Variants in NEBL observed in about 807,000 individuals in gnomAD.
NEBL encodes LIM and SH3 protein 2.
NEBL carries 122 observed loss-of-function variants against 140.2 expected under a neutral mutation model. The ratio of observed to expected loss-of-function variants is 0.87; its 90% CI spans 0.75 to 1.01. The LOEUF (loss-of-function observed/expected upper bound fraction) is 1.01. Among genes scored for constraint, NEBL ranks in the 50% least tolerant of loss-of-function variants. The pLI is 0.00. For missense variants in NEBL, 1,365 were observed against 1,231.3 expected, an observed-to-expected ratio of 1.11 and a Z score of -1.62; for synonymous variants, 436 against 398.9, an observed-to-expected ratio of 1.09 and a Z score of -1.11.
chr10:21,253,386 A>G (rs1253505426), intron 1 of NEBL, among the ~76,000 whole-genome samples: 1 of 152,196 alleles, frequency 6.6e-6, no homozygotes. Flanking sequence ...CACAAGAGAA[A>G]AAGATAATCT....
chr10:20,852,496 T>A, intron 10 of NEBL, 49 bp downstream of exon 10: 2 of 1,321,102 alleles, frequency 1.5e-6, no homozygotes, highest in Non-Finnish European at 2.2e-6. Flanking sequence ...CTCAGGATGG[T>A]TACGGGTTGC....
chr10:20,983,309 C>A (rs187879491), intron 3 of NEBL, among the ~76,000 whole-genome samples: 1 of 152,144 alleles, frequency 6.6e-6, no homozygotes, highest in East Asian at 1.9e-4. Context: ...TAATAATCAC[C>A]AAATACACAT....
At chr10:21,287,302 G>A (rs960468207) in intron 1 of NEBL, among the ~76,000 whole-genome samples, 5 of 152,104 alleles carry the variant, frequency 3.3e-5, no homozygotes, top group African/African-American at 9.7e-5. Flanking sequence ...TTGGGAGGCC[G>A]AGGCAGGTGG....
At chr10:20,916,843 T>C (rs938117175) in intron 4 of NEBL, among the ~76,000 whole-genome samples, 1 of 152,204 alleles carries the variant, frequency 6.6e-6, no homozygotes, top group Non-Finnish European at 1.5e-5. Context: ...ATTATGAATA[T>C]TTGAAAAAGA....
intron 2 of NEBL, among the ~76,000 whole-genome samples, chr10:21,051,746 A>G (rs150146074): frequency 1.4e-3 from 218 of 152,352 alleles, no homozygotes; most frequent in African/African-American, 4.2e-3. Flanking sequence ...TGTCCTAACT[A>G]TATGTTATCT....
rs756748670 is a variant in NEBL, at chr10:21,143,911, A to G, written c.164+28472T>C. Among the ~76,000 whole-genome samples, 21 of 152,240 alleles carry G rather than the reference A, an allele frequency of 1.4e-4. 1 individual carries two copies. Among genetic ancestry groups the G allele is most frequent in the Non-Finnish European group, 3.1e-4 (21 of 68,038 alleles). Reference sequence around the variant, plus strand: ...TAAGACCATTCCAGAAAAACTTTATATCAAGTTTACTCTTTTACACAGAAA... The same window carrying G: ...TAAGACCATTCCAGAAAAACTTTATGTCAAGTTTACTCTTTTACACAGAAA... On this transcript the variant is annotated intron_variant, in intron 2 of 6. Coordinates refer to the NEBL transcript ENST00000417816.
intron 2 of NEBL, among the ~76,000 whole-genome samples, chr10:21,162,803 A>G (rs2132157942): frequency 6.6e-6 from 1 of 152,358 alleles, no homozygotes; most frequent in South Asian, 2.1e-4. Flanking sequence ...AGAGATTCAG[A>G]ATATCTTCAC....
chr10:21,102,933 T>A (rs1589235848), intron 2 of NEBL, among the ~76,000 whole-genome samples: 1 of 151,986 alleles, frequency 6.6e-6, no homozygotes, highest in East Asian at 1.9e-4. Context: ...ACCCATCACC[T>A]AGGTATTAAG....
rs779981743 is a variant in NEBL, at chr10:20,808,545, C to A, written c.2726G>T (p.Cys909Phe). 1 of 1,613,806 alleles carries A rather than the reference C, an allele frequency of 6.2e-7. No homozygotes were observed. The highest frequency in any genetic ancestry group is 1.3e-5 in the African/African-American group (1 of 74,886). ...EISEIYPSFS[C>F]CSEVTRPSDE... The stretch of plus-strand genomic sequence containing the variant: ...AGACGGTCTTGTTACCTCACTGCAG[C>A]ATGAAAAGCTAGGGTAAATCTCGGA... The change falls in exon 26 of 28, where the codon TGC (cysteine) becomes TTC (phenylalanine). Residue 909 changes from cysteine to phenylalanine, a missense_variant. By Grantham distance (205) the Cys-to-Phe change is radical. This residue lies in a region of NEBL where 1,323 missense variants were observed against 1,154.8 expected (regional missense o/e 1.15). Transcript: ENST00000377122.
intron 2 of NEBL, among the ~76,000 whole-genome samples, chr10:21,149,334 A>G (rs1840047543): frequency 6.6e-6 from 1 of 151,922 alleles, no homozygotes; most frequent in African/African-American, 2.4e-5. Context: ...TCTGTCACCC[A>G]AGCTGGAGTA....
intron 4 of NEBL, among the ~76,000 whole-genome samples, chr10:20,923,253 A>T (rs150967744): frequency 6.6e-6 from 1 of 152,062 alleles, no homozygotes; most frequent in Non-Finnish European, 1.5e-5. Context: ...TTTCTTGTAG[A>T]GATGAGGTTT....
At chr10:21,019,787 T>G (rs530448365) in intron 3 of NEBL, among the ~76,000 whole-genome samples, 1 of 152,306 alleles carries the variant, frequency 6.6e-6, no homozygotes, top group Admixed American at 6.5e-5. Context: ...TTTCCCCACA[T>G]ATGCGGTGTG....
intron 4 of NEBL, among the ~76,000 whole-genome samples, chr10:20,919,058 GA>G (rs1833452163): frequency 6.6e-6 from 1 of 152,022 alleles, no homozygotes; most frequent in Admixed American, 6.6e-5. Flanking sequence ...ATTTCAGAAA[GA>G]TTCCAAATGC....
At chr10:21,261,117 A>T (rs1842733275) in intron 1 of NEBL, among the ~76,000 whole-genome samples, 1 of 152,176 alleles carries the variant, frequency 6.6e-6, no homozygotes, top group Non-Finnish European at 1.5e-5. Context: ...TGCTTCTTGC[A>T]GGTCTTGGTT....
intron 2 of NEBL, among the ~76,000 whole-genome samples, chr10:21,133,478 T>C (rs1839209690): frequency 1.3e-5 from 2 of 152,204 alleles, no homozygotes; most frequent in Admixed American, 6.5e-5. Context: ...AGATTCCATC[T>C]TAATTCTACA....
chr10:20,850,486 T>C lies in NEBL; in HGVS notation c.1025A>G (p.Glu342Gly). 1 of 1,601,160 alleles carries C rather than the reference T, an allele frequency of 6.2e-7. No individual in the cohort carries two copies. The highest frequency in any genetic ancestry group is 8.6e-7 in the Non-Finnish European group (1 of 1,168,398). ...VLQSQVKYKE[E>G]YEKNKGKPML... Reference sequence around the variant, plus strand: ...TGGCTTTCCCTTATTTTTCTCATATTCTTCTTTATATTTCACCTTCATTGG... The same window carrying C: ...TGGCTTTCCCTTATTTTTCTCATATCCTTCTTTATATTTCACCTTCATTGG... The change falls in exon 11 of 28, where the codon GAA (glutamate) becomes GGA (glycine). Residue 342 changes from glutamate (E) to glycine (G), a missense_variant. Physicochemically the swap from Glu to Gly is moderately conservative, Grantham distance 98. Around this residue, in one of 2 missense-constraint regions of NEBL, gnomAD observed 1,323 missense variants for 1,154.8 expected, o/e 1.15. Transcript: ENST00000377122.
chr10:21,013,197 C>A (rs116289363), intron 3 of NEBL, among the ~76,000 whole-genome samples: 1,861 of 152,290 alleles, frequency 0.012, 37 homozygotes, highest in African/African-American at 0.041. Flanking sequence ...AAATGTACCA[C>A]ATCCAGTGAA....
At chr10:21,263,832 G>A (rs960147753) in intron 1 of NEBL, among the ~76,000 whole-genome samples, 1 of 152,176 alleles carries the variant, frequency 6.6e-6, no homozygotes, top group African/African-American at 2.4e-5. Context: ...GGGCGTGGTG[G>A]TGGGTGCCTA....
chr10:20,939,986 G>C (rs1834759623), intron 4 of NEBL, among the ~76,000 whole-genome samples: 1 of 150,508 alleles, frequency 6.6e-6, no homozygotes, highest in South Asian at 2.1e-4. Context: ...AATAATAATG[G>C]GAGACTTTAA....
Sources: allele counts gnomAD v4.1 joint callset (sites outside exome capture counted in the v4.1 genomes callset), GRCh38; gene constraint gnomAD v4.1.1; regional missense constraint gnomAD v4.1.1; transcripts MANE v1.5; gene names NCBI Gene and HGNC (gene_info 2026-07-23, HGNC 2026-07-21).